FIP1L1: variants seen among roughly 807,000 people sequenced by gnomAD.
The protein encoded by FIP1L1 is factor interacting with PAPOLA and CPSF1.
FIP1L1 carries 21 observed loss-of-function variants against 84.6 expected under a neutral mutation model. The ratio of observed to expected loss-of-function variants is 0.25; its 90% CI spans 0.18 to 0.36. The LOEUF (loss-of-function observed/expected upper bound fraction) is 0.36. Ranked by LOEUF, FIP1L1 falls within the 10% of genes least tolerant of loss-of-function variation. The pLI, the probability that FIP1L1 is intolerant of heterozygous loss-of-function variation, is 1.00. For missense variants in FIP1L1, 526 were observed against 751.1 expected, an observed-to-expected ratio of 0.70 and a Z score of 3.50; for synonymous variants, 263 against 242.3, an observed-to-expected ratio of 1.09 and a Z score of -0.80.
chr4:53,436,885 T>C (rs1769461390), intron 13 of FIP1L1, among the ~76,000 whole-genome samples: 1 of 152,088 alleles, frequency 6.6e-6, no homozygotes, highest in Non-Finnish European at 1.5e-5. Flanking sequence ...TTTAAGTGTA[T>C]GTGTTATATG....
chr4:53,446,348 G>A (rs941293275), intron 15 of FIP1L1, among the ~76,000 whole-genome samples: 3 of 152,094 alleles, frequency 2.0e-5, no homozygotes, highest in African/African-American at 7.2e-5. Flanking sequence ...GAAATACATT[G>A]AAGCACCTTA....
intron 14 of FIP1L1, 83 bp from the exon 15 acceptor site, chr4:53,443,965 C>G: frequency 1.2e-6 from 1 of 821,834 alleles, no homozygotes; most frequent in South Asian, 2.1e-5. Flanking sequence ...TGTAATTTTG[C>G]CTTGTTTTTC....
At chr4:53,421,912 G>T (rs1477685151) in intron 11 of FIP1L1, among the ~76,000 whole-genome samples, 1 of 152,138 alleles carries the variant, frequency 6.6e-6, no homozygotes, top group Non-Finnish European at 1.5e-5. Context: ...TGCTAGTTAA[G>T]AACCTGAACT....
intron 13 of FIP1L1, among the ~76,000 whole-genome samples, chr4:53,439,472 A>G (rs766346667): frequency 6.6e-6 from 1 of 152,088 alleles, no homozygotes; most frequent in Non-Finnish European, 1.5e-5. Flanking sequence ...TTACTCTGAT[A>G]AAACATGCAC....
At chr4:53,382,531 A>G (rs56998298) in intron 4 of FIP1L1, among the ~76,000 whole-genome samples, 196 bp downstream of exon 4, 84,510 of 152,112 alleles carry the variant, frequency 0.56, 25,328 homozygotes, top group Non-Finnish European at 0.67. Flanking sequence ...AATAGTAGAA[A>G]GACTGCAGAG....
chr4:53,415,029 T>TA (rs1020219069), intron 11 of FIP1L1, among the ~76,000 whole-genome samples: 7 of 151,926 alleles, frequency 4.6e-5, no homozygotes, highest in African/African-American at 9.7e-5. Context: ...ACATCGCATT[T>TA]AAAAAAAATT....
rs191202834 is a variant in FIP1L1, at chr4:53,458,645, A to C, written c.1500-8A>C. 7,657 of 1,606,916 alleles carry C rather than the reference A, an allele frequency of 4.8e-3. 30 individuals carry two copies. Among genetic ancestry groups the C allele is most frequent in the Middle Eastern group, 9.5e-3 (57 of 6,018 alleles). ...GTTGTCAAGAAAACATTTCTATTTC[A>C]ATTTCAGCGATGAAGAACGATACAG... On this transcript the variant is annotated splice_polypyrimidine_tract_variant and splice_region_variant and intron_variant, in intron 16 of 17. Coordinates refer to ENST00000337488, the MANE Select transcript of FIP1L1 (RefSeq NM_030917.4).
chr4:53,406,617 C>T (rs11732149), intron 10 of FIP1L1, among the ~76,000 whole-genome samples: 84,346 of 151,896 alleles, frequency 0.56, 25,252 homozygotes, highest in Non-Finnish European at 0.67. Flanking sequence ...TGGTAGAATT[C>T]GGCTGTGAAT....
rs1005013945 is a variant in FIP1L1, at chr4:53,458,904, A to T, written c.1637+114A>T. On this transcript the variant is annotated intron_variant, in intron 17 of 17. Transcript: ENST00000337488. ...CTATGAACCAGTCTTGCTTGGTTTCATTAAAGAAAAATTCAGGGCCTTGTC... is the reference window on the plus strand; with the variant it reads ...CTATGAACCAGTCTTGCTTGGTTTCTTTAAAGAAAAATTCAGGGCCTTGTC... The T allele has an allele frequency of 2.5e-6, 3 of 1,207,794 alleles. No homozygotes were observed. The African/African-American group carries it at 4.6e-5, about 19-fold the overall frequency. The allele number at this position is 1,207,794 out of a possible 1,614,324, so 74.8% of individuals were successfully genotyped here.
At position 53,399,085 on chromosome 4, in the gene FIP1L1, G is replaced by A. The variant is rs1159484937; in HGVS notation, c.706-645G>A. On this transcript the variant is annotated intron_variant, in intron 9 of 17. Coordinates refer to ENST00000337488, the MANE Select transcript of FIP1L1 (RefSeq NM_030917.4). ...AGAGAATCACTTTAACCCAGGAGGT[G>A]GAGGCTTCAGTGAGCCGTGATTGCA... Among the ~76,000 whole-genome samples, 4 of 152,180 alleles carry A rather than the reference G, an allele frequency of 2.6e-5. No homozygotes were observed. The East Asian group carries it at 7.7e-4, about 29-fold the overall frequency.
At chr4:53,443,186 G>A (rs1406150557) in intron 14 of FIP1L1, among the ~76,000 whole-genome samples, 1 of 152,008 alleles carries the variant, frequency 6.6e-6, no homozygotes, top group Non-Finnish European at 1.5e-5. Context: ...TTTTTGTACC[G>A]TGTATTTAAG....
chr4:53,426,555 T>G (rs974130621), intron 12 of FIP1L1, among the ~76,000 whole-genome samples: 1 of 152,134 alleles, frequency 6.6e-6, no homozygotes, highest in African/African-American at 2.4e-5. Flanking sequence ...ATACTCAACT[T>G]GTATATAGGT....
intron 16 of FIP1L1, among the ~76,000 whole-genome samples, chr4:53,453,916 T>A (rs1332073479): frequency 3.3e-5 from 5 of 152,242 alleles, no homozygotes; most frequent in African/African-American, 1.2e-4. Context: ...CTTTAAGAAT[T>A]GGAAATTTTA....
chr4:53,377,927 C>A lies in FIP1L1; in HGVS notation c.85+4C>A. The stretch of plus-strand genomic sequence containing the variant: ...GAGGAAGAGTGGCTCTATGGCGGTA[C>A]GAAACTTCCTGTCTCTGTCTCTCGG... On this transcript the variant is annotated splice_donor_region_variant and intron_variant, in intron 1 of 17. Coordinates refer to ENST00000337488, the MANE Select transcript of FIP1L1 (RefSeq NM_030917.4). The A allele has an allele frequency of 6.3e-7, 1 of 1,587,132 alleles. No homozygotes were observed. Among genetic ancestry groups the A allele is most frequent in the South Asian group, 1.1e-5 (1 of 87,064 alleles).
At chr4:53,440,012 G>A (rs1320198615) in intron 13 of FIP1L1, among the ~76,000 whole-genome samples, 3 of 151,912 alleles carry the variant, frequency 2.0e-5, no homozygotes, top group Non-Finnish European at 2.9e-5. Context: ...TGCCCTGGGG[G>A]TGTATATATA....
intron 9 of FIP1L1, among the ~76,000 whole-genome samples, chr4:53,393,797 T>A (rs1206985534): frequency 1.7e-5 from 2 of 115,306 alleles, no homozygotes; most frequent in East Asian, 5.9e-4. Context: ...CGGCTGTGAA[T>A]GTATGAGCTT....
At chr4:53,439,560 C>T (rs1308349412) in intron 13 of FIP1L1, among the ~76,000 whole-genome samples, 4 of 151,920 alleles carry the variant, frequency 2.6e-5, no homozygotes, top group African/African-American at 9.7e-5. Flanking sequence ...CTTTTTTTGG[C>T]ATACATTTAG....
intron 9 of FIP1L1, among the ~76,000 whole-genome samples, chr4:53,393,158 G>T (rs1193164595): frequency 1.3e-5 from 2 of 152,146 alleles, no homozygotes; most frequent in Non-Finnish European, 2.9e-5. Flanking sequence ...TGGCAGATCT[G>T]GTATTTAGAA....
chr4:53,438,945 T>A (rs1770690211), intron 13 of FIP1L1, among the ~76,000 whole-genome samples: 1 of 152,144 alleles, frequency 6.6e-6, no homozygotes, highest in Non-Finnish European at 1.5e-5. Context: ...AGGATTATAG[T>A]ATATAGAATG....
Sources: gnomAD v4.1 joint callset for allele counts (sites outside exome capture counted in the v4.1 genomes callset) on GRCh38, gnomAD v4.1.1 for gene constraint, MANE v1.5 for transcripts, NCBI Gene and HGNC (gene_info 2026-07-23, HGNC 2026-07-21) for gene names.